Variants in ROBO1 observed in about 807,000 individuals in gnomAD.
The protein encoded by ROBO1 is roundabout guidance receptor 1, also known as roundabout homolog 1.
In ROBO1, 149 loss-of-function variants were observed where a neutral mutation model predicts 195.9. The observed-to-expected ratio is 0.76, with a 90% CI of 0.67 to 0.87. ROBO1 has a LOEUF of 0.87. ROBO1 is among the 40% of genes least tolerant of loss of function. ROBO1 has a pLI of 0.00. For missense variants in ROBO1, 1,933 were observed against 2,068.3 expected, an observed-to-expected ratio of 0.93 and a Z score of 1.27; for synonymous variants, 816 against 733.2, an observed-to-expected ratio of 1.11 and a Z score of -1.82.
intron 2 of ROBO1, among the ~76,000 whole-genome samples, chr3:79,245,607 T>C (rs1011354986): frequency 1.3e-5 from 2 of 151,700 alleles, no homozygotes; most frequent in African/African-American, 4.8e-5. Context: ...AAATAAATCA[T>C]GACTCCAGCA....
intron 26 of ROBO1, among the ~76,000 whole-genome samples, chr3:78,622,360 G>A (rs1021598790): frequency 2.0e-5 from 3 of 152,084 alleles, no homozygotes; most frequent in African/African-American, 7.2e-5. Context: ...AAATATAAAT[G>A]TAATCAATGT....
intron 4 of ROBO1, among the ~76,000 whole-genome samples, chr3:78,753,299 G>C (rs2082843728): frequency 6.6e-6 from 1 of 152,066 alleles, no homozygotes; most frequent in Non-Finnish European, 1.5e-5. Flanking sequence ...TTAATTGTTA[G>C]AATTACATCC....
chr3:79,343,205 T>C (rs2034979413), intron 2 of ROBO1, among the ~76,000 whole-genome samples: 1 of 152,194 alleles, frequency 6.6e-6, no homozygotes, highest in Admixed American at 6.6e-5. Context: ...AATATTCTAT[T>C]GTCTGGATTT....
chr3:78,835,321 C>CA (rs894049370), intron 4 of ROBO1, among the ~76,000 whole-genome samples: 19 of 152,162 alleles, frequency 1.2e-4, no homozygotes, highest in Admixed American at 5.2e-4. Flanking sequence ...CCCAAGAAAA[C>CA]ACCAAGATAA....
At chr3:79,525,208 C>G (rs1034672448) in intron 2 of ROBO1, among the ~76,000 whole-genome samples, 3 of 150,804 alleles carry the variant, frequency 2.0e-5, no homozygotes, top group African/African-American at 4.8e-5. Flanking sequence ...AAAATGTCTA[C>G]TAGAATAAGG....
rs1190941916 is a variant in ROBO1 at position 79,447,127 on chromosome 3, C to A, written c.88+142697G>T. Among the ~76,000 whole-genome samples, 6 of 152,118 alleles carry A rather than the reference C, an allele frequency of 3.9e-5. 1 individual carries two copies. Among genetic ancestry groups the A allele is most frequent in the Non-Finnish European group, 8.8e-5 (6 of 68,026 alleles). On this transcript the variant is annotated intron_variant, in intron 2 of 30. Transcript: ENST00000464233. Reference sequence around the variant, plus strand: ...TACAGGCGTGAGCCACCATGCGCGGCCCAAAATGTAAACTTGATTACAGGT... The same window carrying A: ...TACAGGCGTGAGCCACCATGCGCGGACCAAAATGTAAACTTGATTACAGGT...
intron 3 of ROBO1, among the ~76,000 whole-genome samples, chr3:78,998,889 A>G (rs1363733036): frequency 6.6e-6 from 1 of 152,074 alleles, no homozygotes; most frequent in Non-Finnish European, 1.5e-5. Context: ...CCTTTGCCAC[A>G]TAGTTAAAGG....
intron 1 of ROBO1, among the ~76,000 whole-genome samples, chr3:79,631,147 T>A (rs1348336859): frequency 1.3e-5 from 2 of 150,298 alleles, no homozygotes. Flanking sequence ...AGAAAAAAAA[T>A]TCTAAAATTC....
chr3:79,291,610 C>T (rs1401393634), intron 2 of ROBO1, among the ~76,000 whole-genome samples: 1 of 152,172 alleles, frequency 6.6e-6, no homozygotes, highest in Non-Finnish European at 1.5e-5. Context: ...GAGATTTCAA[C>T]AACAAGGGCT....
chr3:79,756,600 G>T (rs1173464049), intron 1 of ROBO1, among the ~76,000 whole-genome samples: 2 of 151,112 alleles, frequency 1.3e-5, no homozygotes, highest in Non-Finnish European at 2.9e-5. Flanking sequence ...AAGGGGTAAG[G>T]ATGTCCAAGC....
chr3:78,603,616 A>C (rs1330463974), intron 29 of ROBO1, among the ~76,000 whole-genome samples: 2 of 152,200 alleles, frequency 1.3e-5, no homozygotes, highest in Non-Finnish European at 1.5e-5. Context: ...CAGAAATTCA[A>C]GTCCAAAAGA....
At position 79,195,973 on chromosome 3, in the gene ROBO1, C is replaced by T. The variant is rs1002628741; in HGVS notation, c.89-70434G>A. 3.3e-5 allele frequency among the ~76,000 whole-genome samples: 5 copies of T among 151,568 alleles called. No individual in the cohort carries two copies. The South Asian group carries it at 6.2e-4, about 19-fold the overall frequency. On this transcript the variant is annotated intron_variant, in intron 2 of 30. Coordinates refer to ENST00000464233, the MANE Select transcript of ROBO1 (RefSeq NM_002941.4). Reference sequence around the variant, plus strand: ...CAGGTTGTTAGTTAATTAACAGACACATTAATTTAATTATTTATTAAATAA... The same window carrying T: ...CAGGTTGTTAGTTAATTAACAGACATATTAATTTAATTATTTATTAAATAA...
chr3:79,320,075 A>G (rs1344938424), intron 2 of ROBO1, among the ~76,000 whole-genome samples: 1 of 152,224 alleles, frequency 6.6e-6, no homozygotes, highest in Non-Finnish European at 1.5e-5. Flanking sequence ...ATAACAAAGT[A>G]CCATAGACCA....
chr3:79,481,358 A>AAAAAAT (rs1267227187), intron 2 of ROBO1, among the ~76,000 whole-genome samples: 1 of 152,156 alleles, frequency 6.6e-6, no homozygotes, highest in Non-Finnish European at 1.5e-5. Flanking sequence ...CAGCTAATTA[A>AAAAAAT]AAAAATAAAA....
intron 2 of ROBO1, among the ~76,000 whole-genome samples, chr3:79,128,905 G>T (rs1210742978): frequency 6.6e-6 from 1 of 152,106 alleles, no homozygotes; most frequent in Non-Finnish European, 1.5e-5. Flanking sequence ...ATGACAGCTT[G>T]TTTCCCTCCC....
intron 4 of ROBO1, among the ~76,000 whole-genome samples, chr3:78,823,729 C>T (rs1263536897): frequency 6.6e-6 from 1 of 152,224 alleles, no homozygotes; most frequent in South Asian, 2.1e-4. Flanking sequence ...CAGCTTTTCA[C>T]TTGCCTAATC....
At chr3:78,730,901 A>G (rs893558034) in intron 5 of ROBO1, among the ~76,000 whole-genome samples, 7 of 152,210 alleles carry the variant, frequency 4.6e-5, no homozygotes, top group Non-Finnish European at 7.4e-5. Flanking sequence ...ATACGACCTT[A>G]GAAAGACAGG....
At position 78,700,194 on chromosome 3, in the gene ROBO1, T is replaced by C. The variant is rs890757328; in HGVS notation, c.1046-11422A>G. 6.6e-5 allele frequency among the ~76,000 whole-genome samples: 10 copies of C among 152,290 alleles called. No individual in the cohort carries two copies. The East Asian group carries it at 1.9e-3, about 29-fold the overall frequency. ...TTCCAATAGCCCAGTTGAAAGCACTTAGTCCTATTTTAAGAGTCCATTTTT... is the reference window on the plus strand; with the variant it reads ...TTCCAATAGCCCAGTTGAAAGCACTCAGTCCTATTTTAAGAGTCCATTTTT... On this transcript the variant is annotated intron_variant, in intron 8 of 30. Transcript: ENST00000464233.
At chr3:79,089,174 G>C (rs1378630) in intron 3 of ROBO1, among the ~76,000 whole-genome samples, 151,841 of 152,226 alleles carry the variant, frequency 1, 75,731 homozygotes, top group Middle Eastern at 1. Context: ...TACATTTTGA[G>C]AAATTATTAT....
Sources: allele counts gnomAD v4.1 joint callset (sites outside exome capture counted in the v4.1 genomes callset), GRCh38; gene constraint gnomAD v4.1.1; transcripts MANE v1.5; gene names NCBI Gene and HGNC (gene_info 2026-07-23, HGNC 2026-07-21).